Variants in KDM4B observed in about 807,000 individuals in gnomAD.
KDM4B encodes the protein lysine demethylase 4B.
Under a neutral mutation model 125.2 loss-of-function variants are expected in KDM4B, and 32 were observed. The ratio of observed to expected loss-of-function variants is 0.26; its 90% confidence interval spans 0.19 to 0.34. The LOEUF is 0.34. Among genes scored for constraint, KDM4B ranks in the 10% least tolerant of loss-of-function variants. The pLI is 1.00. For synonymous variants in KDM4B, 721 were observed against 677.9 expected (o/e 1.06, Z -0.99); for missense variants, 1,190 against 1,577.7 (o/e 0.75, Z 4.16).
rs1241777250 is a variant in KDM4B, at chr19:5,082,675, C to T, written c.918+171C>T. Among the ~76,000 whole-genome samples the T allele has an allele frequency of 6.6e-6, 1 of 152,220 alleles. No individual in the cohort carries two copies. The highest frequency in any genetic ancestry group is 1.5e-5 in the Non-Finnish European group (1 of 68,024). ...CCTCAGAGAGCTTTTGCCCAGAACG[C>T]TCCTTACCTCGAAGACTGGAGAGGA... On this transcript the variant is annotated intron_variant, in intron 9 of 22. Coordinates refer to ENST00000159111, the MANE Select transcript of KDM4B (RefSeq NM_015015.3). This position sits in a 1 kb window ranked among gnomAD's most constrained non-coding sequence, Gnocchi z 5.4.
At position 4,997,287 on chromosome 19, in the gene KDM4B, T is replaced by A. The variant is rs2035231903; in HGVS notation, c.-108-18970T>A. Among the ~76,000 whole-genome samples the A allele has an allele frequency of 6.6e-6, 1 of 152,190 alleles. No individual in the cohort carries two copies. Among genetic ancestry groups the A allele is most frequent in the South Asian group, 2.1e-4 (1 of 4,832 alleles). On this transcript the variant is annotated intron_variant, in intron 1 of 22. Transcript: ENST00000159111. This position sits in a 1 kb window ranked among gnomAD's most constrained non-coding sequence, Gnocchi z 4.2. ...CGTTGTTACATAGGATGTTTTCAAG[T>A]TGCCTGATGTGTCCTTCCCTTTAGG...
chr19:5,034,340 G>C (rs1460858981), intron 3 of KDM4B, among the ~76,000 whole-genome samples: 2 of 152,190 alleles, frequency 1.3e-5, no homozygotes, highest in Non-Finnish European at 2.9e-5. Context: ...TAGGCCAGGG[G>C]TTGGCGGGCA....
intron 1 of KDM4B, among the ~76,000 whole-genome samples, chr19:4,974,380 C>T (rs923979184): frequency 3.3e-5 from 5 of 151,092 alleles, no homozygotes; most frequent in African/African-American, 4.9e-5. Context: ...CCAGCCTGGG[C>T]GACAGAGCGA....
chr19:5,047,770 A>G (rs2037074093), intron 6 of KDM4B, 101 bp downstream of exon 6: 2 of 1,180,416 alleles, frequency 1.7e-6, no homozygotes, highest in Non-Finnish European at 2.4e-6. Context: ...GGGCCCCACC[A>G]GGTGAGGCCG....
At position 5,039,833 on chromosome 19, in the gene KDM4B, C is replaced by G. The variant is rs772790273; in HGVS notation, c.142-3C>G. On this transcript the variant is annotated splice_region_variant and splice_polypyrimidine_tract_variant and intron_variant, in intron 3 of 22. Transcript: ENST00000159111. Reference sequence around the variant, plus strand: ...GCCACTGACTCCCATCTTGGTCTTGCAGATCATCCCCCCGAAGGAGTGGAA... The same window carrying G: ...GCCACTGACTCCCATCTTGGTCTTGGAGATCATCCCCCCGAAGGAGTGGAA... The G allele has an allele frequency of 6.2e-7, 1 of 1,611,356 alleles. No homozygotes were observed. The highest frequency in any genetic ancestry group is 1.1e-5 in the South Asian group (1 of 90,904).
At chr19:5,085,237 ACT>A (rs1399299767) in intron 9 of KDM4B, among the ~76,000 whole-genome samples, 8 of 151,992 alleles carry the variant, frequency 5.3e-5, no homozygotes, top group Non-Finnish European at 7.4e-5. Flanking sequence ...TCTAGTGAAG[ACT>A]CTGGGCTTAG....
chr19:4,997,658 A>G lies in KDM4B; in HGVS notation c.-108-18599A>G, dbSNP rs550725720. Among the ~76,000 whole-genome samples, 4 of 152,210 alleles carry G rather than the reference A, an allele frequency of 2.6e-5. No homozygotes were observed. The East Asian group carries it at 5.8e-4, about 22-fold the overall frequency. On this transcript the variant is annotated intron_variant, in intron 1 of 22. Transcript: ENST00000159111. This position sits in a 1 kb window ranked among gnomAD's most constrained non-coding sequence, Gnocchi z 4.2. ...GGTTGGTGGGCTGGTCAGCCATGCCAGGCACTCAGAGTCATCCCTGCCTCC... is the reference window on the plus strand; with the variant it reads ...GGTTGGTGGGCTGGTCAGCCATGCCGGGCACTCAGAGTCATCCCTGCCTCC...
rs531661881 is a variant in KDM4B at position 5,117,247 on chromosome 19, C to T, written c.1116-2406C>T. Among the ~76,000 whole-genome samples, 18 of 132,760 alleles carry T rather than the reference C, an allele frequency of 1.4e-4. No individual in the cohort carries two copies. The East Asian group carries it at 2.0e-3, about 15-fold the overall frequency. The allele number at this position is 132,760 out of a possible 152,430, so 87.1% of individuals were successfully genotyped here. On this transcript the variant is annotated intron_variant, in intron 10 of 22. Coordinates refer to ENST00000159111, the MANE Select transcript of KDM4B (RefSeq NM_015015.3). ...GGCAGACACAGTAAGGCTTGAAGGC[C>T]GTGGGGGTGCCCCTGGAAGGCTGCA...
intron 6 of KDM4B, among the ~76,000 whole-genome samples, chr19:5,053,003 T>C (rs1353037684): frequency 1.2e-4 from 18 of 152,258 alleles, no homozygotes; most frequent in African/African-American, 4.3e-4. Context: ...CACCAGAGGT[T>C]GGGTGGCCGC....
chr19:4,998,306 G>A (rs184712275), intron 1 of KDM4B, among the ~76,000 whole-genome samples: 10 of 152,252 alleles, frequency 6.6e-5, no homozygotes, highest in African/African-American at 1.9e-4. Flanking sequence ...GGGTTTTCTT[G>A]GCTCTTCACC....
intron 1 of KDM4B, among the ~76,000 whole-genome samples, chr19:5,003,905 G>A (rs984906860): frequency 5.9e-5 from 9 of 152,132 alleles, no homozygotes; most frequent in African/African-American, 1.9e-4. Flanking sequence ...GGTCTTCCTC[G>A]TCTCTCCACA....
chr19:5,090,596 CTCTT>C (rs1217607748), intron 9 of KDM4B, among the ~76,000 whole-genome samples: 4 of 68,740 alleles, frequency 5.8e-5, no homozygotes, highest in Non-Finnish European at 9.4e-5. Flanking sequence ...CCCCCTCCCT[CTCTT>C]TCTCTCTCTC....
chr19:5,057,065 T>TGTGTGCGCGC (rs55806859), intron 6 of KDM4B, among the ~76,000 whole-genome samples: 122 of 128,394 alleles, frequency 9.5e-4, no homozygotes, highest in African/African-American at 3.8e-3. Flanking sequence ...TGTGTGTGTG[T>TGTGTGCGCGC]GCGCGCGCGC....
At chr19:5,015,058 G>A (rs1437217644) in intron 1 of KDM4B, among the ~76,000 whole-genome samples, 3 of 152,074 alleles carry the variant, frequency 2.0e-5, no homozygotes. Context: ...TGCCCTGGAG[G>A]TTGGGCCTGC....
intron 1 of KDM4B, among the ~76,000 whole-genome samples, chr19:4,976,534 G>T (rs2034451891): frequency 6.6e-6 from 1 of 152,218 alleles, no homozygotes; most frequent in East Asian, 1.9e-4. Flanking sequence ...CAGGAACTGA[G>T]GGTTTGTTTA....
At chr19:5,013,502 G>T (rs1279967457) in intron 1 of KDM4B, among the ~76,000 whole-genome samples, 3 of 152,196 alleles carry the variant, frequency 2.0e-5, no homozygotes, top group African/African-American at 7.2e-5. Flanking sequence ...GGCCTCCCTG[G>T]GCTAAAATCA....
intron 1 of KDM4B, among the ~76,000 whole-genome samples, chr19:4,998,323 C>T (rs2035265253): frequency 1.3e-5 from 2 of 152,256 alleles, no homozygotes; most frequent in South Asian, 4.1e-4. Flanking sequence ...CACCCAAACA[C>T]TTCCCTTTTT....
Position 5,035,880 on chromosome 19 carries a change from T to TGTGTGTGTGTGTGCGC in KDM4B, c.141+2850_141+2851insTGTGTGTGTGTGCGCG, listed in dbSNP as rs58219404. On this transcript the variant is annotated intron_variant, in intron 3 of 22. Coordinates refer to ENST00000159111, the MANE Select transcript of KDM4B (RefSeq NM_015015.3). The surrounding 1 kb of genome is among the most constrained non-coding windows in gnomAD (Gnocchi z 5.3). ...ACGTGTCTCTGTGTGTGTGTGTGTG[T>TGTGTGTGTGTGTGCGC]GCGCGCGCGCGCGCGCCTGCGCGCA... is the stretch of plus-strand genomic sequence containing the variant. 6.6e-4 allele frequency among the ~76,000 whole-genome samples: 90 copies of TGTGTGTGTGTGTGCGC among 136,492 alleles called. No individual in the cohort carries two copies. The highest frequency in any genetic ancestry group is 1.2e-3 in the South Asian group (5 of 4,056). 89.5% of individuals were successfully genotyped at this position (136,492 alleles called of 152,430 possible).
At chr19:5,106,288 G>A (rs1203147608) in intron 9 of KDM4B, among the ~76,000 whole-genome samples, 1 of 152,202 alleles carries the variant, frequency 6.6e-6, no homozygotes, top group Non-Finnish European at 1.5e-5. Flanking sequence ...AAGCGTACTT[G>A]TCTTTCAGTA....
Sources: gnomAD v4.1 joint callset for allele counts (sites outside exome capture counted in the v4.1 genomes callset) on GRCh38, gnomAD v4.1.1 for gene constraint, Gnocchi (gnomAD v3.1) non-coding constraint, MANE v1.5 for transcripts, NCBI Gene and HGNC (gene_info 2026-07-23, HGNC 2026-07-21) for gene names.